COG5: variants seen among roughly 807,000 people sequenced by gnomAD.
COG5 encodes component of oligomeric golgi complex 5, also known as conserved oligomeric Golgi complex subunit 5.
Under a neutral mutation model 110.4 loss-of-function variants are expected in COG5, and 86 were observed. The ratio of observed to expected loss-of-function variants is 0.78; its 90% CI spans 0.65 to 0.93. The LOEUF is 0.93. COG5 is among the 40% of genes least tolerant of loss of function. The pLI is 0.00. For missense variants in COG5, 1,077 were observed against 987.0 expected, an observed-to-expected ratio of 1.09 and a Z score of -1.22; for synonymous variants, 360 against 334.6, an observed-to-expected ratio of 1.08 and a Z score of -0.83.
At chr7:107,542,629 A>G (rs963098289) in intron 5 of COG5, among the ~76,000 whole-genome samples, 1 of 152,206 alleles carries the variant, frequency 6.6e-6, no homozygotes, top group Non-Finnish European at 1.5e-5. Flanking sequence ...AAATTCCATA[A>G]GCAGAATATT....
At chr7:107,256,092 T>C (rs1487699587) in intron 16 of COG5, among the ~76,000 whole-genome samples, 1 of 152,176 alleles carries the variant, frequency 6.6e-6, no homozygotes, top group Non-Finnish European at 1.5e-5. Context: ...CAACTACATA[T>C]GGCTCTGAAT....
intron 7 of COG5, among the ~76,000 whole-genome samples, chr7:107,388,043 T>C (rs1790336402): frequency 6.6e-6 from 1 of 152,206 alleles, no homozygotes; most frequent in South Asian, 2.1e-4. Flanking sequence ...ACATCACTGC[T>C]TGACCAAGCC....
intron 6 of COG5, among the ~76,000 whole-genome samples, chr7:107,433,329 C>T (rs1265153506): frequency 1.3e-5 from 2 of 152,094 alleles, no homozygotes; most frequent in East Asian, 3.9e-4. Context: ...TGTGTGCATG[C>T]AGAAACAGAA....
chr7:107,358,990 C>T lies in COG5; in HGVS notation c.1026+3043G>A, dbSNP rs115214122. On this transcript the variant is annotated intron_variant, in intron 10 of 21. Transcript: ENST00000297135. ...AGCCATGAGTACAACTATATGCTGG[C>T]GATGGCAGGGGCGACCTCTCTGGAG... Among the ~76,000 whole-genome samples the T allele has an allele frequency of 5.4e-3, 816 of 152,284 alleles. 8 individuals carry two copies. Among genetic ancestry groups the T allele is most frequent in the African/African-American group, 0.019 (792 of 41,554 alleles).
chr7:107,346,516 G>A (rs889040584), intron 10 of COG5, among the ~76,000 whole-genome samples: 37 of 151,920 alleles, frequency 2.4e-4, no homozygotes, highest in Non-Finnish European at 4.4e-4. Flanking sequence ...TTTCTCTATG[G>A]GTCATACGGT....
rs190126675 is a variant in COG5, at chr7:107,510,614, C to T, written c.538+16623G>A. On this transcript the variant is annotated intron_variant, in intron 6 of 21. Coordinates refer to ENST00000297135, the MANE Select transcript of COG5 (RefSeq NM_006348.5). Reference sequence around the variant, plus strand: ...ATATACATTCTTTTCAGCACCACACCACACCTATTCCAAAATTGACCACAT... The same window carrying T: ...ATATACATTCTTTTCAGCACCACACTACACCTATTCCAAAATTGACCACAT... Among the ~76,000 whole-genome samples, 842 of 152,296 alleles carry T rather than the reference C, an allele frequency of 5.5e-3. 8 individuals are homozygous for T. The highest frequency in any genetic ancestry group is 0.02 in the African/African-American group (811 of 41,564).
At chr7:107,236,358 C>G in intron 18 of COG5, 92 bp downstream of exon 18, 1 of 981,784 alleles carries the variant, frequency 1.0e-6, no homozygotes, top group Admixed American at 1.7e-5. Context: ...TGCTGCAACT[C>G]TTTAAAAACA....
At position 107,211,206 on chromosome 7, in the gene COG5, T is replaced by C; in HGVS notation, c.2188A>G (p.Ser730Gly). Residue 730 changes from serine (S) to glycine (G), a missense_variant, in exon 20 of 22, where the codon AGT becomes GGT. Coordinates refer to ENST00000297135, the MANE Select transcript of COG5 (RefSeq NM_006348.5). Reference sequence around the variant, plus strand: ...GCAGGACTACTGGCTACATGTTCACTTGCCTGGAAGAGCAGAGGTCTAGAC... The same window carrying C: ...GCAGGACTACTGGCTACATGTTCACCTGCCTGGAAGAGCAGAGGTCTAGAC... ...RSFRPLLFQASEHVASSPALG... is the reference protein window; with the variant it reads ...RSFRPLLFQAGEHVASSPALG... 1.9e-6 allele frequency: 3 copies of C among 1,614,144 alleles called. No homozygotes were observed. Among genetic ancestry groups the C allele is most frequent in the Non-Finnish European group, 2.5e-6 (3 of 1,179,986 alleles).
chr7:107,331,558 T>C (rs1464442601), intron 10 of COG5, among the ~76,000 whole-genome samples: 1 of 152,000 alleles, frequency 6.6e-6, no homozygotes, highest in African/African-American at 2.4e-5. Context: ...AAAAGATCAG[T>C]TAGGAATTTA....
intron 10 of COG5, among the ~76,000 whole-genome samples, chr7:107,348,124 T>TC (rs1811789379): frequency 9.5e-5 from 3 of 31,746 alleles, no homozygotes; most frequent in African/African-American, 3.1e-4. Flanking sequence ...AGACTCCATC[T>TC]CAAAAAAAAA....
intron 21 of COG5, among the ~76,000 whole-genome samples, chr7:107,204,209 T>A (rs1798578670): frequency 6.6e-6 from 1 of 152,200 alleles, no homozygotes. Flanking sequence ...TTCCATTGTT[T>A]ATGATTATGA....
intron 6 of COG5, among the ~76,000 whole-genome samples, chr7:107,453,424 AT>A (rs1333028571): frequency 1.3e-5 from 2 of 152,306 alleles, no homozygotes; most frequent in African/African-American, 4.8e-5. Context: ...AAGCTCATAG[AT>A]TAGCTAAATG....
chr7:107,411,489 A>G (rs894158806), intron 7 of COG5, among the ~76,000 whole-genome samples: 5 of 152,166 alleles, frequency 3.3e-5, no homozygotes, highest in African/African-American at 1.2e-4. Flanking sequence ...AGAAGAGAGT[A>G]AAAATTGTGA....
intron 7 of COG5, among the ~76,000 whole-genome samples, chr7:107,399,391 G>C (rs975587755): frequency 6.7e-6 from 1 of 149,828 alleles, no homozygotes; most frequent in Non-Finnish European, 1.5e-5. Flanking sequence ...GAGGAACCTG[G>C]TGGGAGGTGA....
chr7:107,291,424 C>T (rs566109062), intron 12 of COG5, among the ~76,000 whole-genome samples: 2 of 152,100 alleles, frequency 1.3e-5, no homozygotes, highest in Non-Finnish European at 2.9e-5. Context: ...TACTGGTCCC[C>T]GCAGCTCTAA....
intron 6 of COG5, among the ~76,000 whole-genome samples, chr7:107,510,101 T>A (rs1377031664): frequency 7.9e-6 from 1 of 127,066 alleles, no homozygotes; most frequent in African/African-American, 2.6e-5. Flanking sequence ...AGACACAGAC[T>A]GACAAACTGG....
chr7:107,340,908 C>A (rs1398733823), intron 10 of COG5, among the ~76,000 whole-genome samples: 1 of 152,068 alleles, frequency 6.6e-6, no homozygotes, highest in Non-Finnish European at 1.5e-5. Flanking sequence ...TATGACAAAC[C>A]TTCAGCCAAC....
intron 6 of COG5, among the ~76,000 whole-genome samples, chr7:107,447,698 T>G (rs1337214209): frequency 6.6e-6 from 1 of 152,218 alleles, no homozygotes; most frequent in Non-Finnish European, 1.5e-5. Flanking sequence ...TCCAGGTCAT[T>G]GGTAGTTTAG....
At chr7:107,411,012 T>G (rs1005911878) in intron 7 of COG5, among the ~76,000 whole-genome samples, 2 of 152,166 alleles carry the variant, frequency 1.3e-5, no homozygotes, top group African/African-American at 2.4e-5. Flanking sequence ...TAGGTATTGG[T>G]AACATCCAGG....
Sources: allele counts gnomAD v4.1 joint callset (sites outside exome capture counted in the v4.1 genomes callset), GRCh38; gene constraint gnomAD v4.1.1; transcripts MANE v1.5; gene names NCBI Gene and HGNC (gene_info 2026-07-23, HGNC 2026-07-21).